The following ICA1L variants were observed in gnomAD, a reference collection of about 807,000 sequenced individuals.
ICA1L encodes the protein islet cell autoantigen 1-like protein.
A neutral mutation model predicts 61.3 loss-of-function variants in ICA1L; 50 were observed. The observed-to-expected ratio is 0.82, with a 90% CI of 0.65 to 1.03. ICA1L has a LOEUF of 1.03. ICA1L is among the 50% of genes least tolerant of loss of function. The pLI is 0.00. For missense variants in ICA1L, 508 were observed against 556.7 expected, an observed-to-expected ratio of 0.91 and a Z score of 0.88; for synonymous variants, 161 against 191.3, an observed-to-expected ratio of 0.84 and a Z score of 1.31.
At chr2:202,820,149 A>G (rs891245333) in intron 4 of ICA1L, 14 of 410,372 alleles carry the variant, frequency 3.4e-5, no homozygotes, top group African/African-American at 2.4e-4. Context: ...CAAGGTGGGC[A>G]GATCGCCTGA....
Position 202,779,572 on chromosome 2 carries a change from A to G in ICA1L, c.1410T>C (p.Asp470=), listed in dbSNP as rs766207270. ...GTTCATCATCTGAGTGTCCAATAGC[A>G]TCTGGGTTTGAAAGTGGATCCAAGT... ...FADLDPLSNP[D]AIGHSDDELL... is the part of the protein sequence containing the mutation. The change falls in exon 13 of 13, where the codon GAT becomes GAC. Residue 470 remains aspartate (D), a synonymous_variant. Transcript: ENST00000358299. 4.0e-5 allele frequency: 64 copies of G among 1,613,250 alleles called. No individual in the cohort carries two copies. The highest frequency in any genetic ancestry group is 4.9e-5 in the Non-Finnish European group (58 of 1,179,562).
chr2:202,808,247 C>G (rs566465832), intron 9 of ICA1L, among the ~76,000 whole-genome samples: 1 of 152,286 alleles, frequency 6.6e-6, no homozygotes, highest in South Asian at 2.1e-4. Flanking sequence ...AGCCCACTAC[C>G]TTGAAGGGAG....
intron 3 of ICA1L, among the ~76,000 whole-genome samples, chr2:202,821,961 A>C (rs1693715412): frequency 6.6e-6 from 1 of 152,120 alleles, no homozygotes; most frequent in African/African-American, 2.4e-5. Flanking sequence ...AGCAACCCTA[A>C]AAACTGTCAT....
chr2:202,821,818 G>A (rs1693709786), intron 3 of ICA1L: 2 of 161,042 alleles, frequency 1.2e-5, no homozygotes, highest in Non-Finnish European at 2.7e-5. Context: ...GTGCAGAGAT[G>A]TATTTTAGGA....
chr2:202,783,111 C>A (rs757176988), intron 12 of ICA1L, among the ~76,000 whole-genome samples: 4 of 152,084 alleles, frequency 2.6e-5, no homozygotes, highest in Non-Finnish European at 5.9e-5. Context: ...GGAAAGCTTT[C>A]CCATTCAGTA....
intron 1 of ICA1L, among the ~76,000 whole-genome samples, chr2:202,852,218 T>C (rs965393299): frequency 6.6e-6 from 1 of 152,190 alleles, no homozygotes; most frequent in Non-Finnish European, 1.5e-5. Context: ...TATGTGTGCA[T>C]GTATCTTTAT....
intron 6 of ICA1L, 38 bp from the exon 7 acceptor site, chr2:202,816,047 C>T: frequency 7.5e-7 from 1 of 1,332,110 alleles, no homozygotes; most frequent in Non-Finnish European, 1.0e-6. Context: ...AGTTCTGCTT[C>T]CCCTCCATGA....
At chr2:202,795,737 G>A (rs1357585361) in intron 10 of ICA1L, among the ~76,000 whole-genome samples, 2 of 151,940 alleles carry the variant, frequency 1.3e-5, no homozygotes, top group Non-Finnish European at 2.9e-5. Flanking sequence ...GGACAAAGAT[G>A]GCATTTTAAA....
intron 1 of ICA1L, among the ~76,000 whole-genome samples, chr2:202,856,344 T>A (rs1156634550): frequency 6.6e-6 from 1 of 152,178 alleles, no homozygotes; most frequent in Non-Finnish European, 1.5e-5. Flanking sequence ...TCAATAAACA[T>A]AATCCATCAT....
chr2:202,864,046 T>C (rs894106358), intron 1 of ICA1L, among the ~76,000 whole-genome samples: 1 of 152,182 alleles, frequency 6.6e-6, no homozygotes, highest in Non-Finnish European at 1.5e-5. Context: ...AATAATTGTT[T>C]AAATCCCATG....
intron 10 of ICA1L, among the ~76,000 whole-genome samples, chr2:202,793,028 T>C (rs1014051099): frequency 6.6e-6 from 1 of 151,948 alleles, no homozygotes; most frequent in Non-Finnish European, 1.5e-5. Context: ...ATGAGAGAAT[T>C]TGGGGGGTAA....
chr2:202,864,313 G>A (rs1323127519), intron 1 of ICA1L, among the ~76,000 whole-genome samples: 4 of 151,424 alleles, frequency 2.6e-5, no homozygotes, highest in African/African-American at 7.3e-5. Context: ...GCGCAATCTC[G>A]GCTCACTGCA....
At chr2:202,811,659 CAAAA>C (rs35916411) in intron 9 of ICA1L, 83 bp downstream of exon 9, 1,947 of 480,164 alleles carry the variant, frequency 4.1e-3, no homozygotes, top group Middle Eastern at 6.7e-3. Flanking sequence ...AAGACTGTCT[CAAAA>C]AAAAAAAAAA....
intron 9 of ICA1L, among the ~76,000 whole-genome samples, chr2:202,803,599 A>G (rs947766248): frequency 1.3e-5 from 2 of 152,074 alleles, no homozygotes; most frequent in South Asian, 2.1e-4. Flanking sequence ...CAGTGGAGCA[A>G]TCTTGGCTCA....
chr2:202,827,956 T>C (rs1693894796), intron 2 of ICA1L, among the ~76,000 whole-genome samples: 1 of 152,188 alleles, frequency 6.6e-6, no homozygotes, highest in South Asian at 2.1e-4. Flanking sequence ...TTAGAAATAT[T>C]TGTTAAGAGT....
intron 9 of ICA1L, among the ~76,000 whole-genome samples, chr2:202,810,993 C>T (rs2105842787): frequency 6.6e-6 from 1 of 152,342 alleles, no homozygotes; most frequent in South Asian, 2.1e-4. Flanking sequence ...CCCGAAACTT[C>T]ATTAGCAATT....
rs191867458 is a variant in ICA1L at position 202,841,471 on chromosome 2, G to A, written c.-7-12455C>T. ...CAGGAATTGTACCTTGTCTATGGAG[G>A]AGGCAAATTTGTTGTTGAGGGTCCT... On this transcript the variant is annotated intron_variant, in intron 1 of 12. Coordinates refer to ENST00000358299, the MANE Select transcript of ICA1L (RefSeq NM_001288622.3). 1.5e-5 allele frequency: 13 copies of A among 894,868 alleles called. No individual in the cohort carries two copies. The Admixed American group carries it at 2.0e-4, about 14-fold the overall frequency. The allele number at this position is 894,868 out of a possible 1,614,324, so 55.4% of individuals were successfully genotyped here. A position where few individuals can be genotyped will look rare whatever the true frequency, so the allele number is the denominator to read the frequency against.
At position 202,844,787 on chromosome 2, in the gene ICA1L, G is replaced by A. The variant is rs547613036; in HGVS notation, c.-7-15771C>T. Reference sequence around the variant, plus strand: ...ATTCCCTGTGTATTAATTTCCTACTGCTGCTATAAAAAATGATCACAAACT... The same window carrying A: ...ATTCCCTGTGTATTAATTTCCTACTACTGCTATAAAAAATGATCACAAACT... On this transcript the variant is annotated intron_variant, in intron 1 of 12. Transcript: ENST00000358299. Among the ~76,000 whole-genome samples, 3 of 152,272 alleles carry A rather than the reference G, an allele frequency of 2.0e-5. No individual in the cohort carries two copies. In the South Asian group the frequency reaches 6.2e-4, roughly 32 times the overall value.
chr2:202,829,101 A>C (rs1240071182), intron 1 of ICA1L, 85 bp from the exon 2 acceptor site: 3 of 1,151,984 alleles, frequency 2.6e-6, no homozygotes, highest in Non-Finnish European at 3.6e-6. Context: ...GTAATTCCAC[A>C]ACTTTGGGAG....
Sources: gnomAD v4.1 joint callset for allele counts (sites outside exome capture counted in the v4.1 genomes callset) on GRCh38, gnomAD v4.1.1 for gene constraint, MANE v1.5 for transcripts, NCBI Gene and HGNC (gene_info 2026-07-23, HGNC 2026-07-21) for gene names.